The following GFRA1 variants were observed in gnomAD, a reference collection of about 807,000 sequenced individuals.
GFRA1 encodes GDNF family receptor alpha-1.
A neutral mutation model predicts 51.6 loss-of-function variants in GFRA1; 16 were observed. The observed-to-expected ratio is 0.31, with a 90% CI of 0.21 to 0.47. The LOEUF is 0.47. Ranked by LOEUF, GFRA1 falls within the 20% of genes least tolerant of loss-of-function variation. The pLI, the probability that GFRA1 is intolerant of heterozygous loss-of-function variation, is 1.00. For synonymous variants in GFRA1, 270 were observed against 241.3 expected, an observed-to-expected ratio of 1.12 and a Z score of -1.10; for missense variants, 530 against 594.3, an observed-to-expected ratio of 0.89 and a Z score of 1.13.
In GFRA1 at chr10:116,272,620, G is replaced by GGCGGCA. The variant is rs1844045195; in HGVS notation, c.-246-351_-246-346dup. 1.3e-5 allele frequency: 2 copies of GGCGGCA among 152,552 alleles called. No individual in the cohort carries two copies. Among genetic ancestry groups the GGCGGCA allele is most frequent in the Admixed American group, 1.3e-4 (2 of 15,336 alleles). 9.4% of individuals were successfully genotyped at this position (152,552 alleles called of 1,614,324 possible). On this transcript the variant is annotated intron_variant, in intron 1 of 10. Transcript: ENST00000355422. The surrounding 1 kb of genome is among the most constrained non-coding windows in gnomAD (Gnocchi z 4.4). ...TGGAGTCCGAGCCCTCGGTGGCGGC[G>GGCGGCA]GCGGCAGCTCCCTAGCCAGCCCTGG...
chr10:116,150,400 A>G (rs1316590196), intron 5 of GFRA1, among the ~76,000 whole-genome samples: 3 of 152,152 alleles, frequency 2.0e-5, no homozygotes, highest in Admixed American at 6.5e-5. Context: ...TTCCTGCTGC[A>G]GTTCCCGGTC....
At chr10:116,239,966 C>T (rs547768212) in intron 4 of GFRA1, among the ~76,000 whole-genome samples, 11 of 152,238 alleles carry the variant, frequency 7.2e-5, no homozygotes, top group African/African-American at 2.4e-4. Context: ...AAGGTTACAA[C>T]GTGTCCCTCA....
At chr10:116,202,003 T>C (rs565806468) in intron 5 of GFRA1, among the ~76,000 whole-genome samples, 127 of 152,280 alleles carry the variant, frequency 8.3e-4, no homozygotes, top group African/African-American at 2.9e-3. Context: ...ACGAGAAGCA[T>C]GTACATACAC....
chr10:116,215,988 C>T (rs1393925656), intron 4 of GFRA1, among the ~76,000 whole-genome samples: 3 of 152,130 alleles, frequency 2.0e-5, no homozygotes, highest in Non-Finnish European at 2.9e-5. Flanking sequence ...AAAGAAGGAA[C>T]TCAGATTGCC....
intron 9 of GFRA1, among the ~76,000 whole-genome samples, chr10:116,085,309 A>G (rs1451654240): frequency 1.3e-5 from 2 of 152,210 alleles, no homozygotes; most frequent in Non-Finnish European, 2.9e-5. Flanking sequence ...ACTGAAACTC[A>G]AGTCCCCAAG....
In GFRA1 at chr10:116,270,890, C is replaced by T. The variant is rs1843863790; in HGVS notation, c.266G>A (p.Cys89Tyr). The T allele has an allele frequency of 6.2e-7, 1 of 1,613,944 alleles. No individual in the cohort carries two copies. The highest frequency in any genetic ancestry group is 8.5e-7 in the Non-Finnish European group (1 of 1,180,034). Residue 89 changes from cysteine (C) to tyrosine (Y), a missense_variant, in exon 3 of 11, where the codon TGC (cysteine) becomes TAC (tyrosine). Coordinates refer to ENST00000355422, the MANE Select transcript of GFRA1 (RefSeq NM_005264.8). ...LKQKSLYNCR[C>Y]KRGMKKEKNC... ...CTTCTCCTTCTTCATACCCCGCTTGCAGCGGCAGTTGTAGAGCGACTTCTG... is the reference window on the plus strand; with the variant it reads ...CTTCTCCTTCTTCATACCCCGCTTGTAGCGGCAGTTGTAGAGCGACTTCTG...
intron 5 of GFRA1, among the ~76,000 whole-genome samples, chr10:116,193,421 A>C (rs1455734207): frequency 6.6e-6 from 1 of 152,200 alleles, no homozygotes; most frequent in Non-Finnish European, 1.5e-5. Flanking sequence ...TGGGGAGATG[A>C]GGTGAACAAA....
At chr10:116,227,973 A>G (rs138718486) in intron 4 of GFRA1, among the ~76,000 whole-genome samples, 1,540 of 152,332 alleles carry the variant, frequency 0.01, 25 homozygotes, top group African/African-American at 0.035. Context: ...TTTTGGACAA[A>G]GTGTGCTGTA....
At chr10:116,094,955 T>C (rs1956511790) in intron 7 of GFRA1, among the ~76,000 whole-genome samples, 1 of 152,202 alleles carries the variant, frequency 6.6e-6, no homozygotes, top group African/African-American at 2.4e-5. Context: ...GAATAAGCCT[T>C]GTCCAGAAAG....
chr10:116,073,693 T>C (rs565700833), intron 9 of GFRA1, among the ~76,000 whole-genome samples: 3 of 152,204 alleles, frequency 2.0e-5, no homozygotes, highest in Admixed American at 1.3e-4. Flanking sequence ...AAAAGATTCA[T>C]TGTTGTCCCT....
At chr10:116,118,977 A>G (rs899073313) in intron 6 of GFRA1, among the ~76,000 whole-genome samples, 1 of 152,324 alleles carries the variant, frequency 6.6e-6, no homozygotes, top group Non-Finnish European at 1.5e-5. Flanking sequence ...CTCTGCCAAC[A>G]GAGAGATAAT....
At chr10:116,185,548 C>G (rs994137147) in intron 5 of GFRA1, among the ~76,000 whole-genome samples, 4 of 152,160 alleles carry the variant, frequency 2.6e-5, no homozygotes, top group African/African-American at 9.7e-5. Context: ...AGGCCAGGTG[C>G]CCCATAATCA....
intron 5 of GFRA1, among the ~76,000 whole-genome samples, chr10:116,186,438 A>G (rs1962724836): frequency 1.3e-5 from 2 of 152,188 alleles, no homozygotes; most frequent in Admixed American, 1.3e-4. Flanking sequence ...CCAACAGTCA[A>G]TTGAGCAGGC....
chr10:116,118,631 C>T (rs1957523759), intron 6 of GFRA1, among the ~76,000 whole-genome samples: 1 of 152,130 alleles, frequency 6.6e-6, no homozygotes, highest in African/African-American at 2.4e-5. Flanking sequence ...TTTGGGCCTC[C>T]TAGGTGGATT....
intron 4 of GFRA1, among the ~76,000 whole-genome samples, chr10:116,263,808 T>C (rs1217623729): frequency 6.6e-6 from 1 of 152,010 alleles, no homozygotes; most frequent in Non-Finnish European, 1.5e-5. Context: ...GTTACATCCA[T>C]GATGTGGAAG....
At chr10:116,175,553 C>A (rs2420244) in intron 5 of GFRA1, among the ~76,000 whole-genome samples, 75,841 of 151,996 alleles carry the variant, frequency 0.5, 20,177 homozygotes, top group Middle Eastern at 0.62. Context: ...CCAGAATTTT[C>A]TCGCTAGCTT....
rs1954593081 is a variant in GFRA1, at chr10:116,057,388, C to T, written c.*7010G>A. Reference sequence around the variant, plus strand: ...CTCAGGAATGAATTCTAAAAATACCCTAAAAATCAGAAGCCGCCTTCTACT... The same window carrying T: ...CTCAGGAATGAATTCTAAAAATACCTTAAAAATCAGAAGCCGCCTTCTACT... On this transcript the variant is annotated 3_prime_UTR_variant, in exon 11 of 11. Transcript: ENST00000355422. 1 of 152,122 alleles carries T rather than the reference C, an allele frequency of 6.6e-6. No individual in the cohort carries two copies. The highest frequency in any genetic ancestry group is 1.5e-5 in the Non-Finnish European group (1 of 68,034). 9.4% of individuals were successfully genotyped at this position (152,122 alleles called of 1,614,324 possible).
intron 9 of GFRA1, among the ~76,000 whole-genome samples, chr10:116,089,207 C>T (rs1211464445): frequency 6.6e-6 from 1 of 152,128 alleles, no homozygotes; most frequent in Admixed American, 6.5e-5. Flanking sequence ...CTCACGGCTC[C>T]TCCTACTGCC....
At chr10:116,088,043 C>T (rs1343163193) in intron 9 of GFRA1, among the ~76,000 whole-genome samples, 2 of 152,116 alleles carry the variant, frequency 1.3e-5, no homozygotes, top group African/African-American at 4.8e-5. Flanking sequence ...TCAGCCTCTC[C>T]TTAGTGTTTT....
Sources: gnomAD v4.1 joint callset for allele counts (sites outside exome capture counted in the v4.1 genomes callset) on GRCh38, gnomAD v4.1.1 for gene constraint, Gnocchi (gnomAD v3.1) non-coding constraint, MANE v1.5 for transcripts, NCBI Gene and HGNC (gene_info 2026-07-23, HGNC 2026-07-21) for gene names.